Variants in FGF14 observed in about 807,000 individuals in gnomAD.
FGF14 encodes fibroblast growth factor 14, also known as fibroblast growth factor homologous factor 4.
In FGF14, 5 loss-of-function variants were observed where a neutral mutation model predicts 25.5. The observed-to-expected ratio is 0.20, with a 90% CI of 0.10 to 0.41. FGF14 has a LOEUF of 0.41. Ranked by LOEUF, FGF14 falls within the 10% of genes least tolerant of loss-of-function variation. FGF14 has a pLI of 1.00. For missense variants in FGF14, 222 were observed against 320.1 expected (o/e 0.69, Z 2.34); for synonymous variants, 138 against 118.3 (o/e 1.17, Z -1.08).
chr13:102,289,372 T>C (rs944877159), intron 1 of FGF14, among the ~76,000 whole-genome samples: 3 of 152,180 alleles, frequency 2.0e-5, no homozygotes, highest in Non-Finnish European at 2.9e-5. Flanking sequence ...AGAAAACCCA[T>C]TGAAACTCTT....
chr13:101,854,130 A>T (rs1277471960), intron 3 of FGF14, among the ~76,000 whole-genome samples: 1 of 152,128 alleles, frequency 6.6e-6, no homozygotes, highest in Non-Finnish European at 1.5e-5. Flanking sequence ...CCATTTGCAG[A>T]TATCTTACAG....
chr13:101,824,924 G>A (rs1208881317), intron 3 of FGF14, among the ~76,000 whole-genome samples: 1 of 152,248 alleles, frequency 6.6e-6, no homozygotes, highest in Non-Finnish European at 1.5e-5. Context: ...CAGGAGGGTA[G>A]CTGCCCCAGC....
intron 3 of FGF14, among the ~76,000 whole-genome samples, chr13:101,828,372 T>G (rs2042502632): frequency 6.6e-6 from 1 of 152,048 alleles, no homozygotes; most frequent in African/African-American, 2.4e-5. Flanking sequence ...TCACTTAAAA[T>G]GAACATACTC....
At chr13:101,813,210 C>T (rs2041666162) in intron 3 of FGF14, among the ~76,000 whole-genome samples, 1 of 152,112 alleles carries the variant, frequency 6.6e-6, no homozygotes, top group Admixed American at 6.5e-5. Flanking sequence ...AGTGTCCTTT[C>T]CACCAGGCCA....
At chr13:102,033,696 T>C (rs957316695) in intron 1 of FGF14, among the ~76,000 whole-genome samples, 1 of 152,156 alleles carries the variant, frequency 6.6e-6, no homozygotes, top group Non-Finnish European at 1.5e-5. Context: ...CACCGAGTTA[T>C]ATTAGGATGC....
chr13:102,092,475 T>C (rs2044208863), intron 1 of FGF14, among the ~76,000 whole-genome samples: 1 of 152,148 alleles, frequency 6.6e-6, no homozygotes, highest in Non-Finnish European at 1.5e-5. Flanking sequence ...ATGAATTTAG[T>C]TGAGGATAAG....
intron 1 of FGF14, among the ~76,000 whole-genome samples, chr13:102,303,324 C>T (rs1031136303): frequency 2.2e-4 from 33 of 152,120 alleles, no homozygotes; most frequent in African/African-American, 7.7e-4. Flanking sequence ...GTTTTATTTT[C>T]TTTATAGAAT....
chr13:102,040,435 G>T (rs1394051169), intron 1 of FGF14, among the ~76,000 whole-genome samples: 4 of 152,068 alleles, frequency 2.6e-5, no homozygotes, highest in Non-Finnish European at 5.9e-5. Flanking sequence ...AGAAAATCTT[G>T]CATTTCCACA....
chr13:102,321,308 A>C (rs932596914), intron 1 of FGF14, among the ~76,000 whole-genome samples: 1 of 152,168 alleles, frequency 6.6e-6, no homozygotes, highest in Non-Finnish European at 1.5e-5. Flanking sequence ...ATAATATGGT[A>C]TGGCATTTTG....
chr13:101,873,733 A>G (rs1335925446), intron 2 of FGF14, among the ~76,000 whole-genome samples: 7 of 152,138 alleles, frequency 4.6e-5, no homozygotes, highest in Non-Finnish European at 7.4e-5. Flanking sequence ...AAGATTGTCA[A>G]CTACCAATAA....
At chr13:101,779,969 T>A (rs1012832070) in intron 3 of FGF14, among the ~76,000 whole-genome samples, 1 of 152,122 alleles carries the variant, frequency 6.6e-6, no homozygotes, top group Non-Finnish European at 1.5e-5. Context: ...AAACCTCCCT[T>A]CTCTGTGGTT....
chr13:102,076,889 A>AGT (rs1383967783), intron 1 of FGF14, among the ~76,000 whole-genome samples: 3 of 152,182 alleles, frequency 2.0e-5, no homozygotes, highest in Non-Finnish European at 2.9e-5. Context: ...ACAGAGCTAT[A>AGT]GTGATTAAAA....
intron 1 of FGF14, among the ~76,000 whole-genome samples, chr13:101,896,334 T>C (rs142937024): frequency 1.3e-3 from 204 of 152,248 alleles, no homozygotes; most frequent in Middle Eastern, 0.01. Context: ...GGCTTTTGCA[T>C]TGCGTTTGCC....
intron 3 of FGF14, among the ~76,000 whole-genome samples, chr13:101,846,282 T>C (rs562698546): frequency 1.3e-5 from 2 of 151,986 alleles, no homozygotes; most frequent in South Asian, 4.2e-4. Context: ...ACTGGAATAC[T>C]ACATTAAAAA....
chr13:101,832,361 CT>C (rs1299853874), intron 3 of FGF14, among the ~76,000 whole-genome samples: 1 of 152,084 alleles, frequency 6.6e-6, no homozygotes, highest in Non-Finnish European at 1.5e-5. Flanking sequence ...TCAGTGTCTG[CT>C]GTTTTAAGCC....
At chr13:101,995,664 A>G (rs1028026877) in intron 1 of FGF14, among the ~76,000 whole-genome samples, 1 of 152,198 alleles carries the variant, frequency 6.6e-6, no homozygotes, top group South Asian at 2.1e-4. Context: ...AGTACTAAAG[A>G]AAAGCGAAGC....
chr13:102,161,567 A>AGTCATAGTACC (rs1386258495), intron 1 of FGF14, among the ~76,000 whole-genome samples: 1 of 2,076 alleles, frequency 4.8e-4, no homozygotes, highest in African/African-American at 1.0e-3. Flanking sequence ...ACTTTCTGTG[A>AGTCATAGTACC]AGAAAGAAAG....
intron 1 of FGF14, among the ~76,000 whole-genome samples, chr13:102,318,861 G>C (rs1250438319): frequency 3.3e-5 from 5 of 152,146 alleles, no homozygotes; most frequent in African/African-American, 1.2e-4. Flanking sequence ...CTGAGACAGG[G>C]TTTGGCACAC....
At chr13:102,274,381 C>T (rs181719342) in intron 1 of FGF14, among the ~76,000 whole-genome samples, 15 of 152,270 alleles carry the variant, frequency 9.9e-5, no homozygotes, top group Admixed American at 9.2e-4. Flanking sequence ...ATTGTACAAA[C>T]TAAAATGTCA....
Sources: allele counts gnomAD v4.1 joint callset (sites outside exome capture counted in the v4.1 genomes callset), GRCh38; gene constraint gnomAD v4.1.1; transcripts MANE v1.5; gene names NCBI Gene and HGNC (gene_info 2026-07-23, HGNC 2026-07-21).